Variants in PCDH9 observed in about 807,000 individuals in gnomAD.
PCDH9 encodes protocadherin 9.
In PCDH9, 24 loss-of-function variants were observed where a neutral mutation model predicts 70.6. The ratio of observed to expected loss-of-function variants is 0.34; its 90% CI spans 0.25 to 0.48. The LOEUF (loss-of-function observed/expected upper bound fraction) is 0.48, where lower values mean the gene tolerates loss of function less well. Ranked by LOEUF, PCDH9 falls within the 20% of genes least tolerant of loss-of-function variation. The pLI, the probability that PCDH9 is intolerant of heterozygous loss-of-function variation, is 0.99. For missense variants in PCDH9, 1,281 were observed against 1,503.6 expected (o/e 0.85, Z 2.45); for synonymous variants, 562 against 558.5 (o/e 1.01, Z -0.09).
intron 3 of PCDH9, among the ~76,000 whole-genome samples, chr13:66,745,479 G>C (rs1002250371): frequency 6.6e-6 from 1 of 152,132 alleles, no homozygotes; most frequent in Non-Finnish European, 1.5e-5. Flanking sequence ...AAGCAGGAAT[G>C]AGCCGGTTCA....
At chr13:66,546,367 G>C (rs1240408376) in intron 4 of PCDH9, among the ~76,000 whole-genome samples, 1 of 151,992 alleles carries the variant, frequency 6.6e-6, no homozygotes, top group Non-Finnish European at 1.5e-5. Context: ...AGGCTAATGT[G>C]TGTGTTTGTA....
intron 4 of PCDH9, among the ~76,000 whole-genome samples, chr13:66,628,570 T>C (rs2077528583): frequency 6.6e-6 from 1 of 152,150 alleles, no homozygotes; most frequent in Non-Finnish European, 1.5e-5. Context: ...TGAGTGATTA[T>C]AGCTCACTGC....
chr13:66,996,813 T>G (rs1226677933), intron 2 of PCDH9, among the ~76,000 whole-genome samples: 1 of 152,186 alleles, frequency 6.6e-6, no homozygotes, highest in African/African-American at 2.4e-5. Flanking sequence ...GCTAACAAGT[T>G]AGGTGGAGAC....
chr13:67,169,228 G>A (rs2138439461), intron 2 of PCDH9, among the ~76,000 whole-genome samples: 1 of 152,224 alleles, frequency 6.6e-6, no homozygotes, highest in African/African-American at 2.4e-5. Context: ...TATGAAGCCA[G>A]AACTATATAA....
intron 4 of PCDH9, among the ~76,000 whole-genome samples, chr13:66,527,746 A>G (rs566628922): frequency 6.6e-6 from 1 of 152,258 alleles, no homozygotes; most frequent in African/African-American, 2.4e-5. Context: ...AGCCGGGCAC[A>G]GTGGCTTACG....
intron 4 of PCDH9, among the ~76,000 whole-genome samples, chr13:66,345,157 T>G (rs898404868): frequency 6.6e-6 from 1 of 152,142 alleles, no homozygotes; most frequent in Non-Finnish European, 1.5e-5. Flanking sequence ...GTCGAGCTAG[T>G]AGGGCAGTGT....
chr13:66,610,452 C>G (rs937412763), intron 4 of PCDH9, among the ~76,000 whole-genome samples: 2 of 152,198 alleles, frequency 1.3e-5, no homozygotes, highest in African/African-American at 4.8e-5. Flanking sequence ...TGAACTAAAG[C>G]ACCAAAAAGC....
intron 3 of PCDH9, among the ~76,000 whole-genome samples, chr13:66,795,498 T>C (rs939197004): frequency 1.3e-5 from 2 of 152,118 alleles, no homozygotes; most frequent in Non-Finnish European, 2.9e-5. Context: ...TGGGGGAAAA[T>C]ATCACAGTGC....
At chr13:67,037,975 G>A (rs777557394) in intron 2 of PCDH9, among the ~76,000 whole-genome samples, 1 of 152,200 alleles carries the variant, frequency 6.6e-6, no homozygotes, top group South Asian at 2.1e-4. Context: ...TCAGAATACT[G>A]ACGTATAAAA....
At chr13:66,502,467 C>G (rs1157434868) in intron 4 of PCDH9, among the ~76,000 whole-genome samples, 1 of 152,020 alleles carries the variant, frequency 6.6e-6, no homozygotes, top group East Asian at 1.9e-4. Flanking sequence ...AAGAAACACA[C>G]AAGTGATATA....
intron 4 of PCDH9, among the ~76,000 whole-genome samples, chr13:66,543,512 A>G (rs1961054365): frequency 6.6e-6 from 1 of 151,940 alleles, no homozygotes; most frequent in South Asian, 2.1e-4. Flanking sequence ...GGTTGCAGTG[A>G]GCTGGGATCA....
At chr13:66,707,902 G>C (rs1334783737) in intron 3 of PCDH9, among the ~76,000 whole-genome samples, 1 of 152,012 alleles carries the variant, frequency 6.6e-6, no homozygotes, top group African/African-American at 2.4e-5. Context: ...TAAGTATTTT[G>C]CTTGTTTATC....
At chr13:67,180,932 C>A (rs1378210185) in intron 2 of PCDH9, among the ~76,000 whole-genome samples, 1 of 151,488 alleles carries the variant, frequency 6.6e-6, no homozygotes, top group Non-Finnish European at 1.5e-5. Context: ...CTTTTAGCAC[C>A]ATCAACTGCA....
intron 3 of PCDH9, among the ~76,000 whole-genome samples, chr13:66,697,993 A>C (rs1324198328): frequency 2.0e-5 from 3 of 152,232 alleles, no homozygotes; most frequent in South Asian, 2.1e-4. Context: ...TGAACATAAA[A>C]ATTATTATGC....
At chr13:67,218,851 A>T (rs2138109274) in intron 2 of PCDH9, 1 of 151,558 alleles carries the variant, frequency 6.6e-6, no homozygotes, top group East Asian at 1.9e-4. Context: ...TATCTTTGCC[A>T]TTCTTAGCTG....
At chr13:66,755,809 G>C (rs2079530954) in intron 3 of PCDH9, among the ~76,000 whole-genome samples, 1 of 152,036 alleles carries the variant, frequency 6.6e-6, no homozygotes, top group South Asian at 2.1e-4. Context: ...ATAGAACAAA[G>C]AAAAAATTCC....
intron 3 of PCDH9, among the ~76,000 whole-genome samples, chr13:66,875,619 C>T (rs1366486698): frequency 6.6e-6 from 1 of 152,126 alleles, no homozygotes; most frequent in Non-Finnish European, 1.5e-5. Context: ...TTTTAAATGT[C>T]AACCAAGGAA....
At chr13:66,819,327 A>AG (rs1400120328) in intron 3 of PCDH9, among the ~76,000 whole-genome samples, 1 of 142,124 alleles carries the variant, frequency 7.0e-6, no homozygotes. Flanking sequence ...GATGAGGAGA[A>AG]AAAAAAAAAA....
chr13:66,400,507 G>A (rs1316339072), intron 4 of PCDH9, among the ~76,000 whole-genome samples: 1 of 152,112 alleles, frequency 6.6e-6, no homozygotes, highest in Non-Finnish European at 1.5e-5. Context: ...GCAGAAATGA[G>A]TCATACTATA....
Sources: allele counts gnomAD v4.1 joint callset (sites outside exome capture counted in the v4.1 genomes callset), GRCh38; gene constraint gnomAD v4.1.1; transcripts MANE v1.5; gene names NCBI Gene and HGNC (gene_info 2026-07-23, HGNC 2026-07-21).